ACOT11: variants seen among roughly 807,000 people sequenced by gnomAD.
The protein encoded by ACOT11 is acyl-coenzyme A thioesterase 11.
A neutral mutation model predicts 77.5 loss-of-function variants in ACOT11; 69 were observed. That is an observed-to-expected ratio of 0.89 (90% confidence interval 0.73 to 1.09). The LOEUF (loss-of-function observed/expected upper bound fraction) is 1.09, where lower values mean the gene tolerates loss of function less well. Ranked by LOEUF, ACOT11 falls within the 50% of genes least tolerant of loss-of-function variation. ACOT11 has a pLI of 0.00. For synonymous variants in ACOT11, 279 were observed against 313.0 expected, an observed-to-expected ratio of 0.89 and a Z score of 1.15; for missense variants, 766 against 813.7, an observed-to-expected ratio of 0.94 and a Z score of 0.71.
At chr1:54,604,671 TG>T (rs1644004181) in intron 12 of ACOT11, among the ~76,000 whole-genome samples, 1 of 152,184 alleles carries the variant, frequency 6.6e-6, no homozygotes, top group South Asian at 2.1e-4. Context: ...TCAGGTCTGC[TG>T]CTGTCTGACC....
intron 1 of ACOT11, among the ~76,000 whole-genome samples, chr1:54,568,552 C>T (rs959537882): frequency 5.3e-5 from 8 of 151,640 alleles, no homozygotes; most frequent in South Asian, 2.1e-4. Context: ...TTAGTAGAGA[C>T]GGGGTTTCTC....
chr1:54,578,513 C>G (rs1272823903), intron 1 of ACOT11, among the ~76,000 whole-genome samples: 1 of 152,202 alleles, frequency 6.6e-6, no homozygotes, highest in Non-Finnish European at 1.5e-5. Context: ...GATCATCTTT[C>G]TAAATGCAGA....
chr1:54,562,209 G>A (rs1318655178), intron 1 of ACOT11, among the ~76,000 whole-genome samples: 12 of 88,336 alleles, frequency 1.4e-4, no homozygotes, highest in African/African-American at 2.1e-4. Context: ...GCGGCTGGCC[G>A]GGCGGAGGGC....
In ACOT11 at chr1:54,602,039, C is replaced by T. The variant is rs531587913; in HGVS notation, c.1029+626C>T. 7.9e-5 allele frequency among the ~76,000 whole-genome samples: 12 copies of T among 152,364 alleles called. No individual in the cohort carries two copies. In the East Asian group the frequency reaches 1.4e-3, roughly 17 times the overall value. On this transcript the variant is annotated intron_variant, in intron 9 of 15. Transcript: ENST00000343744. ...TTCCTGCTGGCCTTCCAGAGGGTAG[C>T]GTGGGCTGTGGAGTTGGGTGGAGCC... is the stretch of plus-strand genomic sequence containing the variant.
At position 54,584,578 on chromosome 1, in the gene ACOT11, C is replaced by A; in HGVS notation, c.34-77C>A. ...CTCTCTCTCCCCCAGACCCTAAGTTCTCAGGGCTGGACAGACCTGGGAGAC... is the reference window on the plus strand; with the variant it reads ...CTCTCTCTCCCCCAGACCCTAAGTTATCAGGGCTGGACAGACCTGGGAGAC... On this transcript the variant is annotated intron_variant, in intron 1 of 15. Transcript: ENST00000343744. The surrounding 1 kb of genome is among the most constrained non-coding windows in gnomAD (Gnocchi z 6.3). 1 of 1,411,466 alleles carries A rather than the reference C, an allele frequency of 7.1e-7. No individual in the cohort carries two copies. The allele number at this position is 1,411,466 out of a possible 1,614,324, so 87.4% of individuals were successfully genotyped here. A position where few individuals can be genotyped will look rare whatever the true frequency, so the allele number is the denominator to read the frequency against.
chr1:54,552,395 A>G (rs1432098555), intron 1 of ACOT11, among the ~76,000 whole-genome samples: 1 of 152,158 alleles, frequency 6.6e-6, no homozygotes, highest in Non-Finnish European at 1.5e-5. Context: ...CTGGAGGAAG[A>G]GGTGAGACTT....
chr1:54,595,392 C>CAT lies in ACOT11; in HGVS notation c.607+710_607+711dup, dbSNP rs906409472. ...TAGCATATATAAAACATGTAAAAAGCATATATATATGCTTATGTGTATGTG... is the reference window on the plus strand; with the variant it reads ...TAGCATATATAAAACATGTAAAAAGCATATATATATATGCTTATGTGTATGTG... On this transcript the variant is annotated intron_variant, in intron 6 of 15. Transcript: ENST00000343744. 5.3e-5 allele frequency among the ~76,000 whole-genome samples: 8 copies of CAT among 152,076 alleles called. No individual in the cohort carries two copies. The East Asian group carries it at 1.2e-3, about 22-fold the overall frequency.
At chr1:54,635,551 A>G in exon 17 of ACOT11, 1 of 203,452 alleles carries the variant, frequency 4.9e-6, no homozygotes, top group Non-Finnish European at 9.7e-6. Context: ...TTAAAAGAAC[A>G]AATATGTAAA....
Position 54,587,199 on chromosome 1 carries a change from C to T in ACOT11, c.311+1295C>T, listed in dbSNP as rs565492949. Among the ~76,000 whole-genome samples the T allele has an allele frequency of 3.3e-5, 5 of 152,212 alleles. No individual in the cohort carries two copies. In the South Asian group the frequency reaches 6.2e-4, roughly 19 times the overall value. ...GCAGATGTAGGAACGTCATTCAATT[C>T]GCAGTGAGAAGTTCTGTGCAATAAT... On this transcript the variant is annotated intron_variant, in intron 3 of 15. Coordinates refer to ENST00000343744, the MANE Select transcript of ACOT11 (RefSeq NM_147161.4).
In ACOT11 at chr1:54,609,105, C is replaced by T. The variant is rs778403771; in HGVS notation, c.1778C>T (p.Thr593Ile). Reference sequence around the variant, plus strand: ...AATGATCTGGCCCCCAGCCTCCAGACCCTCTAGATGCCCTCAGTGGCCACA... The same window carrying T: ...AATGATCTGGCCCCCAGCCTCCAGATCCTCTAGATGCCCTCAGTGGCCACA... Reference protein sequence around the residue: ...NRNDLAPSLQTL With the variant: ...NRNDLAPSLQIL Residue 593 changes from threonine to isoleucine, a missense_variant, in exon 16 of 16, where the codon ACC (threonine) becomes ATC (isoleucine). Transcript: ENST00000343744. 1.9e-6 allele frequency: 3 copies of T among 1,614,114 alleles called. No individual in the cohort carries two copies. The highest frequency in any genetic ancestry group is 1.7e-6 in the Non-Finnish European group (2 of 1,180,000).
chr1:54,569,185 C>T (rs58859227), intron 1 of ACOT11, among the ~76,000 whole-genome samples: 6,066 of 150,294 alleles, frequency 0.04, 232 homozygotes, highest in South Asian at 0.22. Context: ...TGGTCTCAAA[C>T]GCCTGGCTTC....
At position 54,587,282 on chromosome 1, in the gene ACOT11, A is replaced by G. The variant is rs536775868; in HGVS notation, c.311+1378A>G. Reference sequence around the variant, plus strand: ...GTAATCTCAGCACTTTGGGGGGCCTACGCGGGTGGATCACGAGGTCAGGAG... The same window carrying G: ...GTAATCTCAGCACTTTGGGGGGCCTGCGCGGGTGGATCACGAGGTCAGGAG... On this transcript the variant is annotated intron_variant, in intron 3 of 15. Coordinates refer to ENST00000343744, the MANE Select transcript of ACOT11 (RefSeq NM_147161.4). Among the ~76,000 whole-genome samples, 3 of 152,146 alleles carry G rather than the reference A, an allele frequency of 2.0e-5. No homozygotes were observed. In the East Asian group the frequency reaches 5.9e-4, roughly 30 times the overall value.
intron 1 of ACOT11, among the ~76,000 whole-genome samples, chr1:54,555,421 C>T (rs1360861338): frequency 6.6e-6 from 1 of 151,996 alleles, no homozygotes; most frequent in Non-Finnish European, 1.5e-5. Context: ...GTCTTTTGCC[C>T]ATTTTAATTT....
At chr1:54,587,288 G>T (rs1410007601) in intron 3 of ACOT11, among the ~76,000 whole-genome samples, 1 of 152,060 alleles carries the variant, frequency 6.6e-6, no homozygotes, top group Non-Finnish European at 1.5e-5. Context: ...GCCTACGCGG[G>T]TGGATCACGA....
intron 9 of ACOT11, 58 bp downstream of exon 9, chr1:54,601,471 T>G (rs2101000095): frequency 6.3e-7 from 1 of 1,580,914 alleles, no homozygotes; most frequent in Non-Finnish European, 8.6e-7. Context: ...CTCTCTGCCC[T>G]GGCATGGTGG....
chr1:54,592,621 C>A lies in ACOT11; in HGVS notation c.372+15C>A. Reference sequence around the variant, plus strand: ...CCAGCATGGAGGTGTGTGGGGTGGGCACTGCTTGGGAGTGGGTGCGTGGGT... The same window carrying A: ...CCAGCATGGAGGTGTGTGGGGTGGGAACTGCTTGGGAGTGGGTGCGTGGGT... On this transcript the variant is annotated intron_variant, in intron 4 of 15. Transcript: ENST00000343744. The A allele has an allele frequency of 6.2e-7, 1 of 1,612,972 alleles. No homozygotes were observed. The highest frequency in any genetic ancestry group is 8.5e-7 in the Non-Finnish European group (1 of 1,179,458).
chr1:54,605,282 G>A lies in ACOT11; in HGVS notation c.1370+73G>A, dbSNP rs937247071. On this transcript the variant is annotated intron_variant, in intron 13 of 15. Coordinates refer to ENST00000343744, the MANE Select transcript of ACOT11 (RefSeq NM_147161.4). ...TGAGGGAGAGAGTGTCTCCTTCTGC[G>A]GGTCATCCTCCATGATGCTCTGCCC... 17 of 1,544,582 alleles carry A rather than the reference G, an allele frequency of 1.1e-5. No individual in the cohort carries two copies. The African/African-American group carries it at 1.4e-4, about 12-fold the overall frequency.
At chr1:54,627,320 C>T (rs1320189054) in intron 15 of ACOT11, among the ~76,000 whole-genome samples, 1 of 134,990 alleles carries the variant, frequency 7.4e-6, no homozygotes, top group African/African-American at 2.5e-5. Context: ...AGAGCTTCGC[C>T]ACTCTCTTGG....
rs549290746 is a variant in ACOT11 at position 54,627,447 on chromosome 1, T to C, written c.1630-3287T>C. Among the ~76,000 whole-genome samples, 396 of 135,102 alleles carry C rather than the reference T, an allele frequency of 2.9e-3. 45 individuals carry two copies. The highest frequency in any genetic ancestry group is 0.017 in the Middle Eastern group (4 of 238). 88.6% of individuals were successfully genotyped at this position (135,102 alleles called of 152,430 possible). Reference sequence around the variant, plus strand: ...GCTGTGAAGACTCCTCCATTGTCTGTGACACTTCTCGTGGGGCATAAATTA... The same window carrying C: ...GCTGTGAAGACTCCTCCATTGTCTGCGACACTTCTCGTGGGGCATAAATTA... On this transcript the variant is annotated intron_variant, in intron 15 of 16. Coordinates refer to the ACOT11 transcript ENST00000371316.
Sources: allele counts gnomAD v4.1 joint callset (sites outside exome capture counted in the v4.1 genomes callset), GRCh38; gene constraint gnomAD v4.1.1; non-coding constraint Gnocchi (gnomAD v3.1); transcripts MANE v1.5; gene names NCBI Gene and HGNC (gene_info 2026-07-23, HGNC 2026-07-21).